The following SEPTIN9 variants were observed in gnomAD, a reference collection of about 807,000 sequenced individuals.
SEPTIN9 encodes the protein septin-9.
A neutral mutation model predicts 56.6 loss-of-function variants in SEPTIN9; 13 were observed. That is an observed-to-expected ratio of 0.23 (90% CI 0.15 to 0.37). SEPTIN9 has a LOEUF of 0.37. Ranked by LOEUF, SEPTIN9 falls within the 10% of genes least tolerant of loss-of-function variation. The pLI is 1.00. For missense variants in SEPTIN9, 650 were observed against 823.1 expected (o/e 0.79, Z 2.57); for synonymous variants, 332 against 334.1 (o/e 0.99, Z 0.07).
At chr17:77,460,342 G>T (rs576907304) in intron 3 of SEPTIN9, among the ~76,000 whole-genome samples, 2 of 152,252 alleles carry the variant, frequency 1.3e-5, no homozygotes, top group Non-Finnish European at 2.9e-5. Flanking sequence ...GCCGTGCTGG[G>T]CTGGCTCCTC....
chr17:77,371,143 T>C lies in SEPTIN9; in HGVS notation c.77-30916T>C, dbSNP rs1294589242. ...GTTTCCTGAAAGAGCTCGGGGAACC[T>C]CCTTACCTGGAGGTTTCTAGGCCTG... is the stretch of plus-strand genomic sequence containing the variant. On this transcript the variant is annotated intron_variant, in intron 2 of 11. Coordinates refer to ENST00000427177, the MANE Select transcript of SEPTIN9 (RefSeq NM_001113491.2). The surrounding 1 kb of genome is among the most constrained non-coding windows in gnomAD (Gnocchi z 4.1). Among the ~76,000 whole-genome samples, 2 of 152,182 alleles carry C rather than the reference T, an allele frequency of 1.3e-5. No homozygotes were observed. Among genetic ancestry groups the C allele is most frequent in the African/African-American group, 4.8e-5 (2 of 41,444 alleles).
chr17:77,378,455 C>T (rs969999248), intron 2 of SEPTIN9, among the ~76,000 whole-genome samples: 3 of 152,196 alleles, frequency 2.0e-5, no homozygotes, highest in East Asian at 1.9e-4. Flanking sequence ...GCGCTGAGCA[C>T]GGGTCCTGCC....
chr17:77,452,387 C>G (rs538779491), intron 3 of SEPTIN9, among the ~76,000 whole-genome samples: 1 of 152,364 alleles, frequency 6.6e-6, no homozygotes, highest in Non-Finnish European at 1.5e-5. Flanking sequence ...GAAACGCCGT[C>G]CCAGTGACTC....
intron 3 of SEPTIN9, among the ~76,000 whole-genome samples, chr17:77,410,235 C>T (rs2036244411): frequency 6.6e-6 from 1 of 152,132 alleles, no homozygotes; most frequent in South Asian, 2.1e-4. Context: ...CCCTGTCCCC[C>T]CATCCCACTG....
At chr17:77,412,153 A>C (rs967697853) in intron 3 of SEPTIN9, among the ~76,000 whole-genome samples, 4 of 148,874 alleles carry the variant, frequency 2.7e-5, no homozygotes, top group Non-Finnish European at 5.9e-5. Flanking sequence ...AAAAAAAAAA[A>C]TTGATCCTTG....
At chr17:77,340,749 C>G (rs1260934602) in intron 2 of SEPTIN9, among the ~76,000 whole-genome samples, 4 of 152,228 alleles carry the variant, frequency 2.6e-5, no homozygotes, top group African/African-American at 9.7e-5. Context: ...AATTCTGTTG[C>G]TTAGTGTAGC....
intron 4 of SEPTIN9, chr17:77,483,071 C>CACGGGGTCCAGGGAGGGGTCTGGGGA (rs2039525733): frequency 6.3e-6 from 1 of 157,572 alleles, no homozygotes; most frequent in African/African-American, 2.4e-5. Context: ...CTGCCCACTC[C>CACGGGGTCCAGGGAGGGGTCTGGGGA]ACGGGGTCCA....
intron 3 of SEPTIN9, among the ~76,000 whole-genome samples, chr17:77,422,637 A>G (rs1381368951): frequency 6.6e-6 from 1 of 152,116 alleles, no homozygotes; most frequent in Non-Finnish European, 1.5e-5. Flanking sequence ...GAGCCGGGCT[A>G]ATGGTCACCT....
intron 2 of SEPTIN9, among the ~76,000 whole-genome samples, chr17:77,366,818 G>A (rs1418549526): frequency 2.0e-5 from 3 of 152,188 alleles, no homozygotes; most frequent in Non-Finnish European, 4.4e-5. Flanking sequence ...CGGATGAGGT[G>A]GGGGTGGGGA....
chr17:77,375,242 C>T (rs951296125), intron 2 of SEPTIN9: 10 of 152,344 alleles, frequency 6.6e-5, no homozygotes, highest in African/African-American at 1.9e-4. Context: ...AGTGGCACGA[C>T]TTAGCCGGTC....
intron 2 of SEPTIN9, among the ~76,000 whole-genome samples, chr17:77,365,839 G>A (rs555852399): frequency 1.3e-5 from 2 of 152,320 alleles, no homozygotes; most frequent in Non-Finnish European, 2.9e-5. Context: ...TCACTGTGGT[G>A]ACTTTGAAAA....
intron 7 of SEPTIN9, among the ~76,000 whole-genome samples, chr17:77,489,132 G>A (rs920055032): frequency 6.6e-6 from 1 of 152,226 alleles, no homozygotes; most frequent in African/African-American, 2.4e-5. Flanking sequence ...CTGTTCTGGA[G>A]CCTGGTGGTC....
intron 3 of SEPTIN9, among the ~76,000 whole-genome samples, chr17:77,479,159 GT>G (rs1367353698): frequency 2.0e-5 from 3 of 152,224 alleles, no homozygotes; most frequent in Non-Finnish European, 4.4e-5. Context: ...CGTGGCAAAC[GT>G]TATGACAATT....
Position 77,295,491 on chromosome 17 carries a change from G to T in SEPTIN9, c.20-11650G>T, listed in dbSNP as rs980738704. On this transcript the variant is annotated intron_variant, in intron 1 of 11. Transcript: ENST00000427177. ...GGCAGAGGAGGTGGAGAGCTCCCGC[G>T]CCCTCCCTTGCTTCCACCTCCCAGG... 5.9e-5 allele frequency among the ~76,000 whole-genome samples: 9 copies of T among 152,166 alleles called. No individual in the cohort carries two copies. The East Asian group carries it at 1.7e-3, about 29-fold the overall frequency.
At chr17:77,494,579 C>A (rs1052179174) in intron 10 of SEPTIN9, among the ~76,000 whole-genome samples, 5 of 152,078 alleles carry the variant, frequency 3.3e-5, no homozygotes, top group African/African-American at 1.2e-4. Context: ...AGCTGTTGCT[C>A]TAAAAAAATG....
rs1275974982 is a variant in SEPTIN9 at position 77,389,085 on chromosome 17, G to C, written c.77-12974G>C. Among the ~76,000 whole-genome samples the C allele has an allele frequency of 6.6e-6, 1 of 152,110 alleles. No homozygotes were observed. Among genetic ancestry groups the C allele is most frequent in the Non-Finnish European group, 1.5e-5 (1 of 68,018 alleles). Reference sequence around the variant, plus strand: ...CACGCTCCTCAGGGTCTCCAGGTCCGGGTCCTGGTCCCCGGCAGAGCTTCC... The same window carrying C: ...CACGCTCCTCAGGGTCTCCAGGTCCCGGTCCTGGTCCCCGGCAGAGCTTCC... On this transcript the variant is annotated intron_variant, in intron 2 of 11. Coordinates refer to ENST00000427177, the MANE Select transcript of SEPTIN9 (RefSeq NM_001113491.2). The surrounding 1 kb of genome is among the most constrained non-coding windows in gnomAD (Gnocchi z 4.3).
In SEPTIN9 at chr17:77,320,374, G is replaced by A. The variant is rs552720802; in HGVS notation, c.76+13177G>A. On this transcript the variant is annotated intron_variant, in intron 2 of 11. Transcript: ENST00000427177. ...GTACGCAGACAGCCCCCTCCCCATCGGCCGCCCCCCACTGCCCTGGACTCG... is the reference window on the plus strand; with the variant it reads ...GTACGCAGACAGCCCCCTCCCCATCAGCCGCCCCCCACTGCCCTGGACTCG... The A allele has an allele frequency of 5.5e-5, 88 of 1,602,546 alleles. No individual in the cohort carries two copies. In the East Asian group the frequency reaches 7.8e-4, roughly 14 times the overall value.
chr17:77,426,857 A>G (rs1056224978), intron 3 of SEPTIN9: 6 of 152,322 alleles, frequency 3.9e-5, no homozygotes, highest in Admixed American at 2.6e-4. Context: ...TGCTCAGTGA[A>G]TGCCTGTTAA....
At position 77,373,483 on chromosome 17, in the gene SEPTIN9, T is replaced by C. The variant is rs1259476953; in HGVS notation, c.77-28576T>C. ...CGCCGCTGCCCTCCGCGCGACCCGC[T>C]GCCCACCAGCCATCATGTCGGACCC... On this transcript the variant is annotated intron_variant, in intron 2 of 11. Transcript: ENST00000427177. 4 of 1,528,048 alleles carry C rather than the reference T, an allele frequency of 2.6e-6. No homozygotes were observed. The East Asian group carries it at 7.8e-5, about 30-fold the overall frequency. 94.7% of individuals were successfully genotyped at this position (1,528,048 alleles called of 1,614,324 possible). A position where few individuals can be genotyped will look rare whatever the true frequency, so the allele number is the denominator to read the frequency against.
Sources: allele counts gnomAD v4.1 joint callset (sites outside exome capture counted in the v4.1 genomes callset), GRCh38; gene constraint gnomAD v4.1.1; non-coding constraint Gnocchi (gnomAD v3.1); transcripts MANE v1.5; gene names NCBI Gene and HGNC (gene_info 2026-07-23, HGNC 2026-07-21).